Variants in GALNT17 observed in about 807,000 individuals in gnomAD.
The protein encoded by GALNT17 is polypeptide N-acetylgalactosaminyltransferase 17.
In GALNT17, 29 loss-of-function variants were observed where a neutral mutation model predicts 63.7. The ratio of observed to expected loss-of-function variants is 0.46; its 90% CI spans 0.34 to 0.62. The LOEUF is 0.62. Ranked by LOEUF, GALNT17 falls within the 20% of genes least tolerant of loss-of-function variation. The probability of loss-of-function intolerance (pLI) is 0.01; values close to 1 mark genes in which losing one functional copy is unlikely to be tolerated. For synonymous variants in GALNT17, 305 were observed against 318.3 expected, an observed-to-expected ratio of 0.96 and a Z score of 0.45; for missense variants, 603 against 799.6, an observed-to-expected ratio of 0.75 and a Z score of 2.97.
chr7:71,345,970 G>A (rs117631108), intron 2 of GALNT17, among the ~76,000 whole-genome samples: 6,833 of 150,798 alleles, frequency 0.045, 211 homozygotes, highest in Middle Eastern at 0.073. Context: ...ATCTCTTGAG[G>A]TCAGGAGTTT....
intron 5 of GALNT17, among the ~76,000 whole-genome samples, chr7:71,486,364 T>C (rs1023522215): frequency 7.5e-5 from 11 of 146,784 alleles, no homozygotes; most frequent in Non-Finnish European, 1.5e-4. Context: ...ATAATAATAA[T>C]AATAATAATA....
At chr7:71,455,392 T>C (rs919978725) in intron 5 of GALNT17, among the ~76,000 whole-genome samples, 1 of 152,070 alleles carries the variant, frequency 6.6e-6, no homozygotes, top group Non-Finnish European at 1.5e-5. Context: ...AGTTTGAAGG[T>C]TGCTCTGGGG....
chr7:71,148,789 A>G (rs1788072249), intron 1 of GALNT17, among the ~76,000 whole-genome samples: 1 of 150,034 alleles, frequency 6.7e-6, no homozygotes, highest in Non-Finnish European at 1.5e-5. Flanking sequence ...CCCTCAGGGT[A>G]CATAAAAATG....
intron 1 of GALNT17, among the ~76,000 whole-genome samples, chr7:71,239,364 C>T (rs1404434614): frequency 1.3e-5 from 2 of 152,054 alleles, no homozygotes; most frequent in Non-Finnish European, 2.9e-5. Flanking sequence ...TCCCAGCTAC[C>T]TGGGGACTGA....
At chr7:71,294,077 G>T (rs565624948) in intron 1 of GALNT17, among the ~76,000 whole-genome samples, 33 of 151,784 alleles carry the variant, frequency 2.2e-4, no homozygotes, top group African/African-American at 7.5e-4. Flanking sequence ...CAGGAGAATG[G>T]TGTGAACCCG....
At chr7:71,492,920 A>G (rs975173573) in intron 5 of GALNT17, among the ~76,000 whole-genome samples, 1 of 152,190 alleles carries the variant, frequency 6.6e-6, no homozygotes, top group African/African-American at 2.4e-5. Flanking sequence ...GGGATCCGCT[A>G]TTTAGCATTC....
chr7:71,186,058 A>G lies in GALNT17; in HGVS notation c.238+53018A>G, dbSNP rs938568692. Among the ~76,000 whole-genome samples, 3 of 152,218 alleles carry G rather than the reference A, an allele frequency of 2.0e-5. No homozygotes were observed. In the East Asian group the frequency reaches 5.8e-4, roughly 29 times the overall value. ...TTAAATCTTGGTGGTTAAGATTTGT[A>G]TAACAGTTGTAAATTACTCCATTTA... On this transcript the variant is annotated intron_variant, in intron 1 of 10. Transcript: ENST00000333538.
At chr7:71,244,360 C>A (rs1005328908) in intron 1 of GALNT17, among the ~76,000 whole-genome samples, 1 of 152,150 alleles carries the variant, frequency 6.6e-6, no homozygotes, top group South Asian at 2.1e-4. Flanking sequence ...AACACTGTAG[C>A]GTTTGGTTTC....
At chr7:71,248,002 G>C (rs1328107536) in intron 1 of GALNT17, among the ~76,000 whole-genome samples, 3 of 152,186 alleles carry the variant, frequency 2.0e-5, no homozygotes, top group Non-Finnish European at 4.4e-5. Flanking sequence ...AGAAAGAAGA[G>C]AGGTTGGTGT....
chr7:71,644,543 A>C (rs1288711374), intron 6 of GALNT17, among the ~76,000 whole-genome samples: 3 of 132,860 alleles, frequency 2.3e-5, no homozygotes, highest in African/African-American at 1.0e-4. Context: ...AAAAAAAAAA[A>C]AAAAAACAAA....
chr7:71,509,064 T>C (rs1788311834), intron 5 of GALNT17, among the ~76,000 whole-genome samples: 2 of 152,194 alleles, frequency 1.3e-5, no homozygotes, highest in Non-Finnish European at 1.5e-5. Context: ...TGGTTCGACT[T>C]AACGATTTTC....
At chr7:71,428,785 C>T (rs2116479416) in intron 5 of GALNT17, among the ~76,000 whole-genome samples, 1 of 152,262 alleles carries the variant, frequency 6.6e-6, no homozygotes, top group East Asian at 1.9e-4. Flanking sequence ...CTGCAGGTTC[C>T]ATATCTGGTT....
chr7:71,210,626 G>C (rs1789358179), intron 1 of GALNT17, among the ~76,000 whole-genome samples: 1 of 152,186 alleles, frequency 6.6e-6, no homozygotes, highest in East Asian at 1.9e-4. Flanking sequence ...CTAGAATGAG[G>C]TTGGCTTTTG....
chr7:71,345,121 C>A (rs1792067186), intron 2 of GALNT17, among the ~76,000 whole-genome samples: 1 of 148,940 alleles, frequency 6.7e-6, no homozygotes, highest in Admixed American at 6.7e-5. Flanking sequence ...TAAGCCCCCA[C>A]TGTTTTTTTT....
chr7:71,369,853 AT>A (rs1187728895), intron 2 of GALNT17, among the ~76,000 whole-genome samples: 1 of 148,296 alleles, frequency 6.7e-6, no homozygotes, highest in Non-Finnish European at 1.5e-5. Flanking sequence ...AAAACTATGT[AT>A]TATTGACCTG....
At chr7:71,263,136 G>C (rs992185869) in intron 1 of GALNT17, among the ~76,000 whole-genome samples, 1 of 151,978 alleles carries the variant, frequency 6.6e-6, no homozygotes, top group Non-Finnish European at 1.5e-5. Context: ...GAGGCAGGCG[G>C]ATCTTGAGGT....
At chr7:71,404,313 C>T (rs1232932216) in intron 3 of GALNT17, among the ~76,000 whole-genome samples, 3 of 152,174 alleles carry the variant, frequency 2.0e-5, no homozygotes, top group Non-Finnish European at 4.4e-5. Flanking sequence ...TATTTTGCAC[C>T]TCACATCTCT....
At chr7:71,216,844 C>G (rs1177656242) in intron 1 of GALNT17, among the ~76,000 whole-genome samples, 1 of 152,044 alleles carries the variant, frequency 6.6e-6, no homozygotes, top group African/African-American at 2.4e-5. Flanking sequence ...TATATAACTA[C>G]TTTATGTCTG....
intron 1 of GALNT17, among the ~76,000 whole-genome samples, chr7:71,163,371 A>G (rs1479758235): frequency 1.3e-5 from 2 of 152,178 alleles, no homozygotes. Flanking sequence ...GGGAGGGAAG[A>G]GGCTTTGCCT....
Sources: allele counts gnomAD v4.1 joint callset (sites outside exome capture counted in the v4.1 genomes callset), GRCh38; gene constraint gnomAD v4.1.1; transcripts MANE v1.5; gene names NCBI Gene and HGNC (gene_info 2026-07-23, HGNC 2026-07-21).